CLNK: variants seen among roughly 807,000 people sequenced by gnomAD.
CLNK encodes the protein cytokine dependent hematopoietic cell linker, also known as cytokine-dependent hematopoietic cell linker.
A neutral mutation model predicts 68.6 loss-of-function variants in CLNK; 74 were observed. The observed-to-expected ratio is 1.08, with a 90% CI of 0.89 to 1.31. CLNK has a LOEUF of 1.31. Ranked by LOEUF, CLNK falls within the 50% of genes most tolerant of loss-of-function variation. The probability of loss-of-function intolerance (pLI) is 0.00; values close to 1 mark genes in which losing one functional copy is unlikely to be tolerated. For missense variants in CLNK, 553 were observed against 515.3 expected, an observed-to-expected ratio of 1.07 and a Z score of -0.71; for synonymous variants, 198 against 172.2, an observed-to-expected ratio of 1.15 and a Z score of -1.17.
intron 2 of CLNK, among the ~76,000 whole-genome samples, chr4:10,609,485 G>T (rs115056433): frequency 0.019 from 2,951 of 152,256 alleles, 48 homozygotes; most frequent in Middle Eastern, 0.058. Flanking sequence ...ACTGCCACCT[G>T]CACAGTCATC....
chr4:10,602,600 A>G (rs1425977754), intron 2 of CLNK, among the ~76,000 whole-genome samples: 1 of 152,206 alleles, frequency 6.6e-6, no homozygotes, highest in African/African-American at 2.4e-5. Flanking sequence ...GGCCCTAGCT[A>G]AACTTTGATT....
At chr4:10,564,544 C>T (rs1720023387) in intron 7 of CLNK, 127 bp downstream of exon 7, 2 of 670,652 alleles carry the variant, frequency 3.0e-6, no homozygotes, top group African/African-American at 1.8e-5. Context: ...ACCTCCCATC[C>T]ACCTCAGTGA....
At position 10,534,633 on chromosome 4, in the gene CLNK, G is replaced by A. The variant is rs371074269; in HGVS notation, c.603-2350C>T. ...GAAGATTCTAATGAAAGAATGTGAC[G>A]TGAAAGCTATTTGGAGTGAAATAAC... On this transcript the variant is annotated intron_variant, in intron 11 of 18. Coordinates refer to ENST00000226951, the MANE Select transcript of CLNK (RefSeq NM_052964.4). Among the ~76,000 whole-genome samples, 8 of 152,270 alleles carry A rather than the reference G, an allele frequency of 5.3e-5. No individual in the cohort carries two copies. The South Asian group carries it at 8.3e-4, about 16-fold the overall frequency.
At chr4:10,512,289 A>G (rs566722920) in intron 16 of CLNK, among the ~76,000 whole-genome samples, 4 of 150,814 alleles carry the variant, frequency 2.7e-5, no homozygotes, top group Non-Finnish European at 4.4e-5. Flanking sequence ...GGAGTGCAGT[A>G]GTGAGATCTT....
intron 2 of CLNK, among the ~76,000 whole-genome samples, chr4:10,604,366 C>G (rs546145153): frequency 3.9e-5 from 6 of 152,324 alleles, no homozygotes; most frequent in African/African-American, 1.4e-4. Flanking sequence ...CATTTGATCC[C>G]TAAGCTGTAA....
At chr4:10,719,546 A>G in the CLNK span, among the ~76,000 whole-genome samples, 1,902 of 152,234 alleles carry the variant, frequency 0.012, 14 homozygotes, top group East Asian at 0.057. Flanking sequence ...ACACACAAAG[A>G]AACAGAATTA....
chr4:10,655,808 C>T (rs1723954533), intron 2 of CLNK, among the ~76,000 whole-genome samples: 1 of 151,834 alleles, frequency 6.6e-6, no homozygotes, highest in African/African-American at 2.4e-5. Context: ...CACCACCACG[C>T]CCAGCTAGTT....
intron 14 of CLNK, 116 bp from the exon 15 acceptor site, chr4:10,520,947 A>G: frequency 1.4e-6 from 1 of 737,052 alleles, no homozygotes; most frequent in East Asian, 2.7e-5. Flanking sequence ...AAAGCACTTT[A>G]TATTTTACTG....
chr4:10,589,634 C>A (rs1009256805), intron 3 of CLNK, among the ~76,000 whole-genome samples: 1 of 145,594 alleles, frequency 6.9e-6, no homozygotes, highest in Admixed American at 6.8e-5. Flanking sequence ...AAGGCTGGGA[C>A]CAGCCGCCTA....
intron 2 of CLNK, among the ~76,000 whole-genome samples, chr4:10,628,513 G>A (rs1577180893): frequency 6.6e-6 from 1 of 152,086 alleles, no homozygotes; most frequent in Admixed American, 6.5e-5. Context: ...AGACTAAGAC[G>A]GCACCTAGAA....
At chr4:10,500,708 A>T (rs1480856687) in intron 18 of CLNK, among the ~76,000 whole-genome samples, 3 of 151,030 alleles carry the variant, frequency 2.0e-5, no homozygotes, top group African/African-American at 7.3e-5. Context: ...TAGGCCTGGC[A>T]TATACATAGT....
the CLNK span, among the ~76,000 whole-genome samples, chr4:10,729,495 A>G: frequency 1.3e-5 from 2 of 152,256 alleles, no homozygotes; most frequent in African/African-American, 2.4e-5. Context: ...TCACGAGAGC[A>G]AAGTGTCAAC....
chr4:10,493,226 G>C (rs1716656587), intron 18 of CLNK, among the ~76,000 whole-genome samples: 1 of 152,224 alleles, frequency 6.6e-6, no homozygotes, highest in Admixed American at 6.5e-5. Context: ...GCTGAGGCAG[G>C]AGAATCGCTT....
At chr4:10,508,601 G>A (rs2109032848) in intron 16 of CLNK, among the ~76,000 whole-genome samples, 1 of 152,306 alleles carries the variant, frequency 6.6e-6, no homozygotes, top group South Asian at 2.1e-4. Flanking sequence ...CTAACTGGGA[G>A]AAGGAAGGGC....
chr4:10,495,701 A>G (rs1716775630), intron 18 of CLNK, among the ~76,000 whole-genome samples: 2 of 152,196 alleles, frequency 1.3e-5, no homozygotes, highest in Non-Finnish European at 2.9e-5. Context: ...AGGTTATCCC[A>G]GTAGGCCCTA....
chr4:10,602,517 A>G (rs1323328969), intron 2 of CLNK, among the ~76,000 whole-genome samples: 1 of 152,230 alleles, frequency 6.6e-6, no homozygotes, highest in Non-Finnish European at 1.5e-5. Flanking sequence ...TCACAAATCA[A>G]GGAACACCTG....
chr4:10,548,264 A>G (rs1374311311), intron 8 of CLNK, among the ~76,000 whole-genome samples: 1 of 152,088 alleles, frequency 6.6e-6, no homozygotes, highest in Non-Finnish European at 1.5e-5. Context: ...GATGCTGAGA[A>G]CCACTTCCTA....
chr4:10,597,899 C>T (rs896846165), intron 3 of CLNK, 79 bp downstream of exon 3: 61 of 960,518 alleles, frequency 6.4e-5, no homozygotes, highest in East Asian at 1.0e-4. Flanking sequence ...TGACAATTTT[C>T]GTGTTTGTGA....
intron 1 of CLNK, among the ~76,000 whole-genome samples, chr4:10,680,890 G>T (rs1336115460): frequency 6.6e-6 from 1 of 152,128 alleles, no homozygotes; most frequent in Non-Finnish European, 1.5e-5. Context: ...GTAGGAGTTT[G>T]GGATGGGGAC....
Sources: gnomAD v4.1 joint callset for allele counts (sites outside exome capture counted in the v4.1 genomes callset) on GRCh38, gnomAD v4.1.1 for gene constraint, MANE v1.5 for transcripts, NCBI Gene and HGNC (gene_info 2026-07-23, HGNC 2026-07-21) for gene names.